The following LTBP1 variants were observed in gnomAD, a reference collection of about 807,000 sequenced individuals.
LTBP1 encodes latent transforming growth factor beta binding protein 1, also known as latent-transforming growth factor beta-binding protein 1.
In LTBP1, 129 loss-of-function variants were observed where a neutral mutation model predicts 207.6. The observed-to-expected ratio is 0.62, with a 90% confidence interval of 0.54 to 0.72. The LOEUF (loss-of-function observed/expected upper bound fraction) is 0.72. Among genes scored for constraint, LTBP1 ranks in the 30% least tolerant of loss-of-function variants. The pLI is 0.00. For missense variants in LTBP1, 2,281 were observed against 2,217.2 expected, an observed-to-expected ratio of 1.03 and a Z score of -0.58; for synonymous variants, 963 against 833.7, an observed-to-expected ratio of 1.16 and a Z score of -2.67.
At chr2:33,020,750 C>G (rs182007049) in intron 2 of LTBP1, among the ~76,000 whole-genome samples, 159 bp from the exon 3 acceptor site, 174 of 152,240 alleles carry the variant, frequency 1.1e-3, no homozygotes, top group South Asian at 3.5e-3. Flanking sequence ...AGCTCTCTTC[C>G]CCCTCCTCCG....
intron 3 of LTBP1, among the ~76,000 whole-genome samples, chr2:33,049,362 G>A (rs2149486024): frequency 6.6e-6 from 1 of 152,332 alleles, no homozygotes; most frequent in South Asian, 2.1e-4. Context: ...TAGTGTATGA[G>A]ATTGAAATAT....
intron 31 of LTBP1, among the ~76,000 whole-genome samples, chr2:33,376,424 T>C (rs775527287): frequency 2.0e-5 from 3 of 152,202 alleles, no homozygotes; most frequent in Non-Finnish European, 4.4e-5. Flanking sequence ...AGAATTACTG[T>C]GTTAGGCCAG....
chr2:33,231,050 A>G (rs1012788309), intron 9 of LTBP1, among the ~76,000 whole-genome samples: 2 of 152,148 alleles, frequency 1.3e-5, no homozygotes, highest in South Asian at 2.1e-4. Flanking sequence ...TCGCTGGGGC[A>G]CTCCTAGCTA....
In LTBP1 at chr2:33,239,738, C is replaced by CAAA. The variant is rs372396935; in HGVS notation, c.1877-3910_1877-3908dup. 3.5e-4 allele frequency among the ~76,000 whole-genome samples: 44 copies of CAAA among 127,010 alleles called. 1 individual carries two copies. The highest frequency in any genetic ancestry group is 1.0e-3 in the African/African-American group (33 of 33,142). The allele number at this position is 127,010 out of a possible 152,430, so 83.3% of individuals were successfully genotyped here. On this transcript the variant is annotated intron_variant, in intron 9 of 33. Transcript: ENST00000404816. ...TGAAACCCTGTCTCTACTAAAAATACAAAAAAAAAAAAAAAATTAGCTGGG... is the reference window on the plus strand; with the variant it reads ...TGAAACCCTGTCTCTACTAAAAATACAAAAAAAAAAAAAAAAAAATTAGCTGGG...
chr2:33,194,723 A>G (rs1318112612), intron 7 of LTBP1, among the ~76,000 whole-genome samples: 2 of 152,240 alleles, frequency 1.3e-5, no homozygotes, highest in Non-Finnish European at 2.9e-5. Flanking sequence ...AAGCTGCAGC[A>G]AGTTGTCCAG....
At chr2:33,074,163 G>A (rs922704088) in intron 3 of LTBP1, among the ~76,000 whole-genome samples, 6 of 152,232 alleles carry the variant, frequency 3.9e-5, no homozygotes, top group African/African-American at 1.4e-4. Flanking sequence ...ATTCTAAAAA[G>A]TAGATTTAAC....
chr2:33,019,969 C>G (rs2075079737), intron 2 of LTBP1, among the ~76,000 whole-genome samples: 1 of 151,494 alleles, frequency 6.6e-6, no homozygotes, highest in African/African-American at 2.4e-5. Flanking sequence ...CCACCATGAC[C>G]TCCTAAAGTG....
intron 15 of LTBP1, among the ~76,000 whole-genome samples, chr2:33,264,722 T>G (rs1030755990): frequency 6.6e-6 from 1 of 152,104 alleles, no homozygotes; most frequent in Non-Finnish European, 1.5e-5. Flanking sequence ...CCAATCAAAT[T>G]TTTTTATTAG....
At chr2:33,079,048 G>A (rs1206726185) in intron 3 of LTBP1, among the ~76,000 whole-genome samples, 9 of 151,452 alleles carry the variant, frequency 5.9e-5, no homozygotes, top group Non-Finnish European at 1.2e-4. Flanking sequence ...TAGTAGAGAC[G>A]GGGTTTCACC....
intron 2 of LTBP1, among the ~76,000 whole-genome samples, chr2:32,993,884 A>T (rs1273836777): frequency 6.6e-6 from 1 of 151,990 alleles, no homozygotes; most frequent in Non-Finnish European, 1.5e-5. Flanking sequence ...CATTCCTGCT[A>T]CTTGAAGTTA....
chr2:33,264,954 G>T (rs903869732), intron 15 of LTBP1, among the ~76,000 whole-genome samples: 3 of 148,374 alleles, frequency 2.0e-5, no homozygotes, highest in African/African-American at 5.2e-5. Flanking sequence ...GATAGCATAA[G>T]TTCCAGTCTG....
intron 15 of LTBP1, among the ~76,000 whole-genome samples, chr2:33,267,291 G>T (rs555192482): frequency 9.2e-5 from 14 of 152,204 alleles, no homozygotes; most frequent in Non-Finnish European, 1.2e-4. Flanking sequence ...ATCTGGGCTG[G>T]CAGCACAGGC....
At chr2:33,376,499 C>T (rs553266249) in intron 31 of LTBP1, among the ~76,000 whole-genome samples, 1 of 152,298 alleles carries the variant, frequency 6.6e-6, no homozygotes, top group East Asian at 1.9e-4. Context: ...GAATGAAAAC[C>T]AGGACTTGGG....
chr2:33,200,583 A>C (rs184256214), intron 7 of LTBP1, among the ~76,000 whole-genome samples: 1 of 151,664 alleles, frequency 6.6e-6, no homozygotes, highest in Non-Finnish European at 1.5e-5. Flanking sequence ...CTTCCTGTCT[A>C]AAACACCAAA....
Position 33,217,556 on chromosome 2 carries a change from G to C in LTBP1, c.1706G>C (p.Gly569Ala), listed in dbSNP as rs778910969. The change falls in exon 8 of 34, where the codon GGC (glycine) becomes GCC (alanine). Residue 569 changes from glycine to alanine, a missense_variant. Physicochemically the swap from Gly to Ala is moderately conservative, Grantham distance 60. Coordinates refer to ENST00000404816, the MANE Select transcript of LTBP1 (RefSeq NM_206943.4). Reference sequence around the variant, plus strand: ...TTTCACACCTAATCATTGCAGTGTGGCAAAGCGCTCCCTGGCCTTTCAAAG... The same window carrying C: ...TTTCACACCTAATCATTGCAGTGTGCCAAAGCGCTCCCTGGCCTTTCAAAG... ...CFQETIGSQC[G>A]KALPGLSKQE... 1.2e-6 allele frequency: 2 copies of C among 1,612,860 alleles called. No homozygotes were observed. Among genetic ancestry groups the C allele is most frequent in the Non-Finnish European group, 1.7e-6 (2 of 1,179,024 alleles).
rs1686396821 is a variant in LTBP1, at chr2:33,003,869, GC to G, written c.566-17039del. 2.0e-5 allele frequency among the ~76,000 whole-genome samples: 3 copies of G among 152,268 alleles called. No homozygotes were observed. The South Asian group carries it at 6.2e-4, about 32-fold the overall frequency. On this transcript the variant is annotated intron_variant, in intron 2 of 33. Coordinates refer to ENST00000404816, the MANE Select transcript of LTBP1 (RefSeq NM_206943.4). ...ACCACAACCTTGCACAAAGCCTGTG[GC>G]AGTCTTACACACAAAAACATATTTC...
At position 32,993,270 on chromosome 2, in the gene LTBP1, TAAAAGCAAA is replaced by T. The variant is rs549800413; in HGVS notation, c.566-27638_566-27630del. Among the ~76,000 whole-genome samples the T allele has an allele frequency of 2.4e-3, 362 of 152,084 alleles. 3 individuals are homozygous for T. Among genetic ancestry groups the T allele is most frequent in the African/African-American group, 8.5e-3 (354 of 41,468 alleles). On this transcript the variant is annotated intron_variant, in intron 2 of 33. Coordinates refer to ENST00000404816, the MANE Select transcript of LTBP1 (RefSeq NM_206943.4). ...AGCCAGCACCCAACCAGGGCTGGCG[TAAAAGCAAA>T]GAAAGGAAAGAATTCAAGAGACATG... is the stretch of plus-strand genomic sequence containing the variant.
intron 15 of LTBP1, among the ~76,000 whole-genome samples, chr2:33,273,421 A>G (rs1181169662): frequency 1.7e-4 from 26 of 152,154 alleles, no homozygotes; most frequent in Admixed American, 1.7e-3. Flanking sequence ...ACTTCAGTTC[A>G]TCTTAAAAAT....
intron 3 of LTBP1, among the ~76,000 whole-genome samples, chr2:33,063,498 GAAAAAGAAAA>G (rs1282069216): frequency 6.6e-6 from 1 of 151,886 alleles, no homozygotes; most frequent in Non-Finnish European, 1.5e-5. Context: ...TTTATTTTAG[GAAAAAGAAAA>G]ATTATTTTAA....
Sources: gnomAD v4.1 joint callset for allele counts (sites outside exome capture counted in the v4.1 genomes callset) on GRCh38, gnomAD v4.1.1 for gene constraint, MANE v1.5 for transcripts, NCBI Gene and HGNC (gene_info 2026-07-23, HGNC 2026-07-21) for gene names.